The following MYOCOS variants were observed in gnomAD, a reference collection of about 807,000 sequenced individuals.
MYOCOS encodes myocilin opposite strand.
chr1:171,625,572 C>T (rs550602278), intron 2 of MYOCOS, among the ~76,000 whole-genome samples: 24 of 152,328 alleles, frequency 1.6e-4, no homozygotes, highest in Admixed American at 8.5e-4. Context: ...GCTTGACAGG[C>T]TAGTCCTATG....
At chr1:171,608,864 C>T (rs1652302910) in intron 1 of MYOCOS, among the ~76,000 whole-genome samples, 1 of 152,292 alleles carries the variant, frequency 6.6e-6, no homozygotes, top group Non-Finnish European at 1.5e-5. Context: ...AGAGCCTACA[C>T]TCCCAGCAGC....
chr1:171,608,060 G>A (rs1227809373), intron 1 of MYOCOS, among the ~76,000 whole-genome samples: 5 of 152,262 alleles, frequency 3.3e-5, no homozygotes, highest in South Asian at 2.1e-4. Flanking sequence ...TCGCTACCAC[G>A]ACAGCAGTAT....
chr1:171,625,332 G>T (rs1293828057), intron 2 of MYOCOS, among the ~76,000 whole-genome samples: 1 of 152,194 alleles, frequency 6.6e-6, no homozygotes, highest in Non-Finnish European at 1.5e-5. Context: ...GATCAGCTTT[G>T]ATTGGGAGAT....
At chr1:171,605,720 T>TA (rs200926877) in intron 1 of MYOCOS, among the ~76,000 whole-genome samples, 47 of 147,412 alleles carry the variant, frequency 3.2e-4, no homozygotes, top group South Asian at 4.3e-4. Flanking sequence ...ATGACCTCCT[T>TA]AAAAAAAAAA....
intron 2 of MYOCOS, among the ~76,000 whole-genome samples, chr1:171,625,643 C>A (rs1652678821): frequency 6.6e-6 from 1 of 152,180 alleles, no homozygotes; most frequent in Admixed American, 6.5e-5. Context: ...TATACTCCAG[C>A]AGAAGGGGAG....
intron 1 of MYOCOS, among the ~76,000 whole-genome samples, chr1:171,611,471 T>C (rs1652351556): frequency 6.6e-6 from 1 of 152,186 alleles, no homozygotes; most frequent in Non-Finnish European, 1.5e-5. Flanking sequence ...ACTCATTTGG[T>C]CACCTCCCAG....
At chr1:171,626,043 T>C (rs867853785) in intron 2 of MYOCOS, among the ~76,000 whole-genome samples, 1 of 144,566 alleles carries the variant, frequency 6.9e-6, no homozygotes, top group Non-Finnish European at 1.6e-5. Flanking sequence ...ATGTTAACTA[T>C]TCTTTTTAGA....
intron 1 of MYOCOS, among the ~76,000 whole-genome samples, chr1:171,605,394 C>CACACACAAAA (rs376886204): frequency 1.6e-5 from 2 of 127,560 alleles, no homozygotes; most frequent in East Asian, 2.0e-4. Flanking sequence ...CACACACACA[C>CACACACAAAA]AAAAAAAAAA....
intron 1 of MYOCOS, among the ~76,000 whole-genome samples, chr1:171,612,267 C>G (rs967307120): frequency 6.6e-6 from 1 of 151,540 alleles, no homozygotes; most frequent in Non-Finnish European, 1.5e-5. Flanking sequence ...TTAGTAGAGA[C>G]GGGGTTTCAT....
Position 171,605,394 on chromosome 1 carries a change from C to CACACACACA in MYOCOS, c.-252+4315_-252+4316insCACACACAA, listed in dbSNP as rs376886204. On this transcript the variant is annotated intron_variant, in intron 1 of 3. Coordinates refer to the MYOCOS transcript ENST00000636697. The stretch of plus-strand genomic sequence containing the variant: ...AGTACCACACACACACACACACACA[C>CACACACACA]AAAAAAAAAAAAACAGTTACATGAT... 2.2e-3 allele frequency among the ~76,000 whole-genome samples: 285 copies of CACACACACA among 127,546 alleles called. 2 individuals carry two copies. The highest frequency in any genetic ancestry group is 0.01 in the African/African-American group (269 of 26,890). 83.7% of individuals were successfully genotyped at this position (127,546 alleles called of 152,430 possible). A position where few individuals can be genotyped will look rare whatever the true frequency, so the allele number is the denominator to read the frequency against.
chr1:171,621,833 C>G (rs1197967450), upstream of MYOCOS, among the ~76,000 whole-genome samples: 3 of 151,986 alleles, frequency 2.0e-5, no homozygotes, highest in South Asian at 6.2e-4. Context: ...GAGACCCTGT[C>G]TCAATAATTA....
intron 1 of MYOCOS, 114 bp from the exon 2 acceptor site, chr1:171,623,727 C>G: frequency 2.5e-6 from 1 of 396,566 alleles, no homozygotes; most frequent in Non-Finnish European, 4.4e-6. Flanking sequence ...GTAGGGAGGA[C>G]CAACTGAGAG....
At chr1:171,603,792 G>A (rs187703860) in intron 1 of MYOCOS, among the ~76,000 whole-genome samples, 30 of 152,350 alleles carry the variant, frequency 2.0e-4, no homozygotes, top group South Asian at 1.2e-3. Context: ...ACTAGACAGC[G>A]TTTCCAAAGG....
intron 1 of MYOCOS, among the ~76,000 whole-genome samples, chr1:171,614,399 C>G (rs1284802667): frequency 2.0e-5 from 3 of 152,200 alleles, no homozygotes; most frequent in Non-Finnish European, 4.4e-5. Flanking sequence ...ATCAGTTGAA[C>G]TGTGGCACAG....
intron 1 of MYOCOS, among the ~76,000 whole-genome samples, chr1:171,611,708 T>C (rs1652354278): frequency 6.6e-6 from 1 of 152,222 alleles, no homozygotes; most frequent in Non-Finnish European, 1.5e-5. Context: ...AGTCAGTATA[T>C]GGGTTGCAGC....
At chr1:171,618,690 C>T (rs1005492882), upstream of MYOCOS, among the ~76,000 whole-genome samples, 2 of 152,200 alleles carry the variant, frequency 1.3e-5, no homozygotes, top group African/African-American at 4.8e-5. Flanking sequence ...ATTCTCCTGT[C>T]TCTGCCTCCC....
At chr1:171,620,108 T>C (rs1437574103), upstream of MYOCOS, among the ~76,000 whole-genome samples, 1 of 148,210 alleles carries the variant, frequency 6.7e-6, no homozygotes, top group African/African-American at 2.5e-5. Context: ...AAAATATATA[T>C]ATATATATCT....
chr1:171,625,687 A>T (rs1572207229), intron 2 of MYOCOS, among the ~76,000 whole-genome samples: 1 of 152,314 alleles, frequency 6.6e-6, no homozygotes, highest in East Asian at 1.9e-4. Context: ...GGGGCAAGTT[A>T]GGCCAAAGGG....
intron 1 of MYOCOS, among the ~76,000 whole-genome samples, chr1:171,607,027 G>A (rs1348513985): frequency 2.7e-5 from 4 of 147,130 alleles, no homozygotes; most frequent in Non-Finnish European, 5.9e-5. Flanking sequence ...CTGGGAGGCA[G>A]AGGTTGCACT....
Sources: gnomAD v4.1 joint callset for allele counts (sites outside exome capture counted in the v4.1 genomes callset) on GRCh38, gnomAD v4.1.1 for gene constraint, MANE v1.5 for transcripts, NCBI Gene and HGNC (gene_info 2026-07-23, HGNC 2026-07-21) for gene names.